ACYP2: variants seen among roughly 807,000 people sequenced by gnomAD.
ACYP2 encodes the protein acylphosphatase-2.
Under a neutral mutation model 11.2 loss-of-function variants are expected in ACYP2, and 12 were observed. That is an observed-to-expected ratio of 1.08 (90% CI 0.69 to 1.74). The LOEUF is 1.74. Among genes scored for constraint, ACYP2 ranks in the 40% most tolerant of loss-of-function variants. The pLI, the probability that ACYP2 is intolerant of heterozygous loss-of-function variation, is 0.00. For missense variants in ACYP2, 134 were observed against 101.9 expected (o/e 1.31, Z -1.35); for synonymous variants, 43 against 32.2 (o/e 1.33, Z -1.13).
chr2:54,051,848 C>T (rs1675882341), intron 3 of ACYP2: 2 of 304,782 alleles, frequency 6.6e-6, no homozygotes, highest in Non-Finnish European at 1.2e-5. Context: ...AGTTTGAGAC[C>T]AGCCTGGCCA....
intron 6 of ACYP2, among the ~76,000 whole-genome samples, chr2:54,289,681 C>T (rs548623172): frequency 2.6e-5 from 4 of 152,044 alleles, no homozygotes; most frequent in Admixed American, 6.5e-5. Flanking sequence ...CAGGCAGCCA[C>T]CTACCAACTA....
chr2:54,099,321 A>G (rs773225758), intron 4 of ACYP2, among the ~76,000 whole-genome samples: 3 of 152,192 alleles, frequency 2.0e-5, no homozygotes, highest in Non-Finnish European at 4.4e-5. Flanking sequence ...GCAATTTTCC[A>G]AGTATACAAC....
At chr2:54,253,088 C>G (rs560229264) in intron 6 of ACYP2, 1 of 152,148 alleles carries the variant, frequency 6.6e-6, no homozygotes, top group Non-Finnish European at 1.5e-5. Context: ...TGGCACACAC[C>G]TATAATCCCA....
chr2:54,157,751 A>T (rs952909794), intron 6 of ACYP2, among the ~76,000 whole-genome samples: 1 of 152,190 alleles, frequency 6.6e-6, no homozygotes, highest in African/African-American at 2.4e-5. Flanking sequence ...TGCAGAAGAG[A>T]GTGGTGGTTT....
At chr2:54,225,785 A>G (rs1043655249) in intron 6 of ACYP2, among the ~76,000 whole-genome samples, 13 of 150,780 alleles carry the variant, frequency 8.6e-5, no homozygotes, top group Admixed American at 2.6e-4. Context: ...GAATACCTTA[A>G]GTATTTTTTT....
intron 5 of ACYP2, among the ~76,000 whole-genome samples, chr2:54,136,958 A>G (rs1681281945): frequency 6.6e-6 from 1 of 152,186 alleles, no homozygotes; most frequent in Non-Finnish European, 1.5e-5. Context: ...CCTGGACGAC[A>G]AGAGTGAAAT....
chr2:54,059,671 C>A (rs1360064234), intron 4 of ACYP2, among the ~76,000 whole-genome samples: 1 of 152,152 alleles, frequency 6.6e-6, no homozygotes, highest in African/African-American at 2.4e-5. Context: ...CCAGGACATT[C>A]CCTGTTTTCC....
chr2:54,120,570 C>T (rs1680089214), intron 4 of ACYP2, among the ~76,000 whole-genome samples: 1 of 152,132 alleles, frequency 6.6e-6, no homozygotes, highest in South Asian at 2.1e-4. Context: ...CTACTGATGA[C>T]ACAGAATTCT....
chr2:54,140,877 A>G (rs1877908), intron 6 of ACYP2, among the ~76,000 whole-genome samples: 70,187 of 152,018 alleles, frequency 0.46, 16,282 homozygotes, highest in South Asian at 0.5. Flanking sequence ...TGAAGTGGCT[A>G]TGTATTTTTA....
chr2:54,145,535 C>T (rs555349381), intron 6 of ACYP2, among the ~76,000 whole-genome samples: 4 of 151,956 alleles, frequency 2.6e-5, no homozygotes, highest in Non-Finnish European at 5.9e-5. Flanking sequence ...GAAAAAAGGA[C>T]AGTGAAGCTC....
chr2:54,147,868 G>T (rs188604662), intron 6 of ACYP2, among the ~76,000 whole-genome samples: 21 of 152,150 alleles, frequency 1.4e-4, no homozygotes, highest in African/African-American at 4.8e-4. Context: ...TCTTGTTTAG[G>T]TTATAGTTTT....
intron 4 of ACYP2, among the ~76,000 whole-genome samples, chr2:54,073,713 C>G (rs1025124211): frequency 3.3e-5 from 5 of 151,990 alleles, no homozygotes; most frequent in African/African-American, 1.2e-4. Flanking sequence ...AAAAAATGGG[C>G]AAAAGGTCTG....
chr2:54,124,689 A>G (rs927711170), intron 4 of ACYP2, among the ~76,000 whole-genome samples: 4 of 152,102 alleles, frequency 2.6e-5, no homozygotes, highest in African/African-American at 9.7e-5. Flanking sequence ...TCATAGTTAA[A>G]AATGCTTTTA....
At chr2:54,271,372 A>G (rs1688293188) in intron 6 of ACYP2, among the ~76,000 whole-genome samples, 1 of 152,154 alleles carries the variant, frequency 6.6e-6, no homozygotes, top group East Asian at 1.9e-4. Context: ...TAACATCACT[A>G]TTGTAGAACC....
chr2:54,065,503 C>A (rs61740458), intron 4 of ACYP2: 53,610 of 398,322 alleles, frequency 0.13, 4,050 homozygotes, highest in East Asian at 0.3. Context: ...CTTGGCTATC[C>A]CTGATCAGGG....
intron 3 of ACYP2, among the ~76,000 whole-genome samples, chr2:54,052,785 C>A (rs533415087): frequency 6.6e-6 from 1 of 152,242 alleles, no homozygotes; most frequent in South Asian, 2.1e-4. Context: ...TTAGAAAAAT[C>A]AGTCATTGGG....
intron 6 of ACYP2, 48 bp from the exon 4 acceptor site, chr2:54,304,640 A>G (rs1689847646): frequency 1.4e-6 from 2 of 1,388,932 alleles, no homozygotes; most frequent in East Asian, 2.3e-5. Context: ...TAGCTGATCC[A>G]TGTATACTTT....
rs114083716 is a variant in ACYP2, at chr2:54,213,113, G to A, written c.404+74365G>A. On this transcript the variant is annotated intron_variant, in intron 6 of 6. Transcript: ENST00000607452. ...TCCCACCCTCCACCCTCAAGTGGTC[G>A]CTAGTGTCTGTTGTTCCCTTCTTTG... Among the ~76,000 whole-genome samples the A allele has an allele frequency of 4.2e-3, 646 of 152,082 alleles. 2 individuals are homozygous for A. Among genetic ancestry groups the A allele is most frequent in the African/African-American group, 0.014 (597 of 41,506 alleles).
At chr2:54,061,076 G>T (rs990903401) in intron 4 of ACYP2, among the ~76,000 whole-genome samples, 5 of 152,006 alleles carry the variant, frequency 3.3e-5, no homozygotes, top group African/African-American at 1.2e-4. Context: ...GCTTGGTCTT[G>T]AACTTGTGGG....
Sources: allele counts gnomAD v4.1 joint callset (sites outside exome capture counted in the v4.1 genomes callset), GRCh38; gene constraint gnomAD v4.1.1; transcripts MANE v1.5; gene names NCBI Gene and HGNC (gene_info 2026-07-23, HGNC 2026-07-21).